The following STAU2 variants were observed in gnomAD, a reference collection of about 807,000 sequenced individuals.
The protein encoded by STAU2 is double-stranded RNA-binding protein Staufen homolog 2.
In STAU2, 20 loss-of-function variants were observed where a neutral mutation model predicts 65.9. That is an observed-to-expected ratio of 0.30 (90% confidence interval 0.21 to 0.44). The LOEUF (loss-of-function observed/expected upper bound fraction) is 0.44. STAU2 is among the 20% of genes least tolerant of loss of function. STAU2 has a pLI of 1.00. For synonymous variants in STAU2, 232 were observed against 233.9 expected, an observed-to-expected ratio of 0.99 and a Z score of 0.07; for missense variants, 558 against 683.9, an observed-to-expected ratio of 0.82 and a Z score of 2.05.
intron 6 of STAU2, among the ~76,000 whole-genome samples, chr8:73,626,846 T>C (rs1338033048): frequency 6.6e-6 from 1 of 151,952 alleles, no homozygotes; most frequent in Non-Finnish European, 1.5e-5. Flanking sequence ...TCAACTCTAG[T>C]GAAAAGCAGC....
At chr8:73,436,509 A>G (rs1312647536) in intron 13 of STAU2, among the ~76,000 whole-genome samples, 1 of 151,828 alleles carries the variant, frequency 6.6e-6, no homozygotes, top group Non-Finnish European at 1.5e-5. Flanking sequence ...ACAAAGGATA[A>G]TAATACACTG....
At chr8:73,605,842 TACACACACACACAC>T (rs1176899097) in intron 9 of STAU2, among the ~76,000 whole-genome samples, 1,910 of 118,392 alleles carry the variant, frequency 0.016, 52 homozygotes, top group African/African-American at 0.058. Context: ...CACATACACA[TACACACACACACAC>T]ACACACACAC....
chr8:73,727,057 C>T (rs1415904099), intron 3 of STAU2, among the ~76,000 whole-genome samples: 4 of 151,938 alleles, frequency 2.6e-5, no homozygotes, highest in Admixed American at 1.3e-4. Flanking sequence ...TGGTGAAACC[C>T]CGTCTCTACT....
At chr8:73,551,169 T>A in intron 13 of STAU2, 1 of 987,552 alleles carries the variant, frequency 1.0e-6, no homozygotes, top group Non-Finnish European at 1.2e-6. Flanking sequence ...GACACAGATA[T>A]TTCCCCTTCC....
chr8:73,428,165 TC>T (rs1726439673), intron 13 of STAU2, among the ~76,000 whole-genome samples: 1 of 152,234 alleles, frequency 6.6e-6, no homozygotes, highest in Non-Finnish European at 1.5e-5. Flanking sequence ...ACCACTGTAC[TC>T]TCTGCTTCTG....
intron 1 of STAU2, among the ~76,000 whole-genome samples, chr8:73,743,099 T>A (rs1277467427): frequency 1.3e-5 from 2 of 152,218 alleles, no homozygotes; most frequent in African/African-American, 4.8e-5. Context: ...AAAGAGCTTT[T>A]TAAAATGTTT....
chr8:73,687,368 A>AATTTATATAATATAAATATAATTTAT (rs374441067), intron 5 of STAU2, among the ~76,000 whole-genome samples: 1 of 116,794 alleles, frequency 8.6e-6, no homozygotes, highest in Non-Finnish European at 1.7e-5. Context: ...ATATAAATAT[A>AATTTATATAATATAAATATAATTTAT]ATTTATAATT....
chr8:73,503,789 T>G (rs1821894973), intron 13 of STAU2, among the ~76,000 whole-genome samples: 1 of 152,062 alleles, frequency 6.6e-6, no homozygotes, highest in African/African-American at 2.4e-5. Context: ...TGGCTGAGAC[T>G]GAGAAATGTT....
At chr8:73,518,673 G>A (rs1822873544) in intron 13 of STAU2, among the ~76,000 whole-genome samples, 1 of 152,158 alleles carries the variant, frequency 6.6e-6, no homozygotes, top group Non-Finnish European at 1.5e-5. Flanking sequence ...CTGACTCACA[G>A]GCCATAGTTT....
chr8:73,645,580 G>T (rs1199040444), intron 6 of STAU2, among the ~76,000 whole-genome samples: 1 of 152,188 alleles, frequency 6.6e-6, no homozygotes, highest in African/African-American at 2.4e-5. Context: ...TGAAGATCTA[G>T]CCAGTGCAAT....
At chr8:73,448,465 T>C (rs1159147996) in intron 13 of STAU2, among the ~76,000 whole-genome samples, 2 of 151,946 alleles carry the variant, frequency 1.3e-5, no homozygotes, top group African/African-American at 2.4e-5. Context: ...TGTATTTTAG[T>C]AGAGACGGGG....
intron 4 of STAU2, among the ~76,000 whole-genome samples, chr8:73,694,105 G>A (rs958581354): frequency 2.3e-4 from 35 of 152,168 alleles, no homozygotes; most frequent in African/African-American, 8.4e-4. Context: ...CAGTGGTAAC[G>A]AAGGTCATTT....
intron 6 of STAU2, among the ~76,000 whole-genome samples, chr8:73,627,337 A>T (rs1262239653): frequency 6.6e-6 from 1 of 151,144 alleles, no homozygotes; most frequent in African/African-American, 2.4e-5. Flanking sequence ...AAGCAGATTC[A>T]GGGCTGACCA....
chr8:73,510,041 T>C (rs2128923657), intron 13 of STAU2, among the ~76,000 whole-genome samples: 1 of 152,280 alleles, frequency 6.6e-6, no homozygotes, highest in South Asian at 2.1e-4. Flanking sequence ...TATGCATAAA[T>C]CTTTAATTGG....
At chr8:73,699,988 G>A (rs1164245310) in intron 4 of STAU2, among the ~76,000 whole-genome samples, 3 of 151,704 alleles carry the variant, frequency 2.0e-5, no homozygotes, top group Admixed American at 6.6e-5. Context: ...GACCAAGTGG[G>A]ATTTATCACA....
At chr8:73,669,015 TAAG>T (rs1378535315) in intron 6 of STAU2, 1 of 697,844 alleles carries the variant, frequency 1.4e-6, no homozygotes, top group Admixed American at 2.0e-5. Context: ...TTCCCTGCCT[TAAG>T]AAGCTAATGA....
rs565811280 is a variant in STAU2 at position 73,636,582 on chromosome 8, G to C, written c.411-19131C>G. Among the ~76,000 whole-genome samples the C allele has an allele frequency of 3.1e-4, 47 of 152,236 alleles. No individual in the cohort carries two copies. In the South Asian group the frequency reaches 9.1e-3, roughly 30 times the overall value. On this transcript the variant is annotated intron_variant, in intron 6 of 14. Coordinates refer to ENST00000524300, the MANE Select transcript of STAU2 (RefSeq NM_001164380.2). ...GAGATGTTAGAATTAGCAGCAAAGGGCCGGGTGTGGTGGCTCATGCCTGTA... is the reference window on the plus strand; with the variant it reads ...GAGATGTTAGAATTAGCAGCAAAGGCCCGGGTGTGGTGGCTCATGCCTGTA...
intron 4 of STAU2, among the ~76,000 whole-genome samples, chr8:73,700,624 G>T (rs1046663261): frequency 1.7e-4 from 26 of 151,808 alleles, no homozygotes; most frequent in African/African-American, 6.3e-4. Flanking sequence ...GGAAGTGAAC[G>T]ATCTCTACAA....
intron 11 of STAU2, among the ~76,000 whole-genome samples, chr8:73,589,371 C>T (rs866420561): frequency 1.9e-4 from 29 of 152,146 alleles, no homozygotes; most frequent in Non-Finnish European, 1.0e-4. Context: ...ACTGCCAAAA[C>T]ACAGGGAAGT....
Sources: gnomAD v4.1 joint callset for allele counts (sites outside exome capture counted in the v4.1 genomes callset) on GRCh38, gnomAD v4.1.1 for gene constraint, MANE v1.5 for transcripts, NCBI Gene and HGNC (gene_info 2026-07-23, HGNC 2026-07-21) for gene names.